The following NCAM2 variants were observed in gnomAD, a reference collection of about 807,000 sequenced individuals.
The protein encoded by NCAM2 is N-CAM-2.
Under a neutral mutation model 98.1 loss-of-function variants are expected in NCAM2, and 30 were observed. The ratio of observed to expected loss-of-function variants is 0.31; its 90% confidence interval spans 0.23 to 0.41. The LOEUF is 0.41. NCAM2 is among the 10% of genes least tolerant of loss of function. NCAM2 has a pLI of 1.00. For missense variants in NCAM2, 867 were observed against 1,005.8 expected (o/e 0.86, Z 1.87); for synonymous variants, 368 against 342.4 (o/e 1.07, Z -0.83).
At chr21:21,329,827 A>G (rs145521968) in intron 6 of NCAM2, among the ~76,000 whole-genome samples, 1 of 152,280 alleles carries the variant, frequency 6.6e-6, no homozygotes, top group Non-Finnish European at 1.5e-5. Flanking sequence ...AAATTCAATA[A>G]TATTTTTCAT....
chr21:21,256,516 T>A (rs2071679628), intron 1 of NCAM2, among the ~76,000 whole-genome samples: 2 of 152,170 alleles, frequency 1.3e-5, no homozygotes. Flanking sequence ...TTCTTGCAAA[T>A]GCAGTGAACT....
chr21:21,418,409 G>T, intron 10 of NCAM2, 64 bp from the exon 11 acceptor site: 1 of 1,158,688 alleles, frequency 8.6e-7, no homozygotes, highest in African/African-American at 1.5e-5. Context: ...AGTCATACTG[G>T]GGTTTATTAT....
At chr21:21,457,642 G>GA (rs536117484) in intron 12 of NCAM2, among the ~76,000 whole-genome samples, 379 of 136,136 alleles carry the variant, frequency 2.8e-3, no homozygotes, top group East Asian at 6.4e-3. Context: ...TCCTTCTCAA[G>GA]AAAAAAAAAA....
intron 1 of NCAM2, among the ~76,000 whole-genome samples, chr21:21,045,695 A>G (rs942657832): frequency 6.6e-6 from 1 of 152,156 alleles, no homozygotes; most frequent in Non-Finnish European, 1.5e-5. Flanking sequence ...CACATGAGTC[A>G]ATGTTCTGTC....
chr21:21,185,544 A>G (rs2068612461), intron 1 of NCAM2, among the ~76,000 whole-genome samples: 1 of 152,226 alleles, frequency 6.6e-6, no homozygotes, highest in East Asian at 1.9e-4. Context: ...AACATTTATT[A>G]TTTGCTTTTC....
chr21:21,441,171 G>A (rs974971004), intron 12 of NCAM2, among the ~76,000 whole-genome samples: 2 of 152,100 alleles, frequency 1.3e-5, no homozygotes, highest in Non-Finnish European at 2.9e-5. Flanking sequence ...CTTTAATGCA[G>A]TTTTCATGAG....
At chr21:21,271,621 A>G (rs1030904448) in intron 1 of NCAM2, among the ~76,000 whole-genome samples, 1 of 152,184 alleles carries the variant, frequency 6.6e-6, no homozygotes, top group Admixed American at 6.5e-5. Flanking sequence ...ATGAAAGGCT[A>G]TTTGGAGTAC....
rs193005793 is a variant in NCAM2, at chr21:21,528,869, A to G, written c.2283-5668A>G. ...AGATGTTGGGGAAAAGTGAATATACAGAATAAAATCTAAAAGAAATATAAT... is the reference window on the plus strand; with the variant it reads ...AGATGTTGGGGAAAAGTGAATATACGGAATAAAATCTAAAAGAAATATAAT... On this transcript the variant is annotated intron_variant, in intron 16 of 17. Coordinates refer to ENST00000400546, the MANE Select transcript of NCAM2 (RefSeq NM_004540.5). 4.9e-3 allele frequency among the ~76,000 whole-genome samples: 748 copies of G among 152,248 alleles called. 24 individuals are homozygous for G. Among genetic ancestry groups the G allele is most frequent in the Admixed American group, 0.044 (677 of 15,266 alleles).
intron 1 of NCAM2, among the ~76,000 whole-genome samples, chr21:21,095,734 A>G (rs1470962872): frequency 6.6e-6 from 1 of 151,642 alleles, no homozygotes; most frequent in Admixed American, 6.6e-5. Context: ...AATACTGAGT[A>G]TTTGATTATC....
Position 21,537,076 on chromosome 21 carries a change from A to AATTTT in NCAM2, c.2403-753_2403-749dup, listed in dbSNP as rs554660982. On this transcript the variant is annotated intron_variant, in intron 17 of 17. Transcript: ENST00000400546. The stretch of plus-strand genomic sequence containing the variant: ...ATATTGTTAATTCACTTAGTTTCTG[A>AATTTT]ATTTTATTTTATTTTATTTTAATAA... Among the ~76,000 whole-genome samples the AATTTT allele has an allele frequency of 5.9e-4, 90 of 152,060 alleles. No individual in the cohort carries two copies. In the South Asian group the frequency reaches 0.012, roughly 20 times the overall value.
At chr21:21,311,563 G>A (rs186627022) in intron 5 of NCAM2, among the ~76,000 whole-genome samples, 20 of 151,878 alleles carry the variant, frequency 1.3e-4, no homozygotes, top group African/African-American at 3.6e-4. Context: ...GGAGGGTCTC[G>A]ATCTCCTGAC....
chr21:21,387,201 C>G (rs904255664), intron 9 of NCAM2, among the ~76,000 whole-genome samples: 3 of 151,160 alleles, frequency 2.0e-5, no homozygotes, highest in African/African-American at 7.3e-5. Flanking sequence ...CACACACACA[C>G]ACACACACAC....
At chr21:21,003,605 G>A (rs550835200) in intron 1 of NCAM2, among the ~76,000 whole-genome samples, 1 of 150,812 alleles carries the variant, frequency 6.6e-6, no homozygotes, top group Admixed American at 6.6e-5. Context: ...ACTATGCTAG[G>A]CTTTGTTTAT....
Position 21,381,683 on chromosome 21 carries a change from T to C in NCAM2, c.1195+7670T>C, listed in dbSNP as rs367971371. 3.9e-5 allele frequency among the ~76,000 whole-genome samples: 6 copies of C among 152,292 alleles called. No homozygotes were observed. The East Asian group carries it at 5.8e-4, about 15-fold the overall frequency. ...TTATCTAATTATCTTTTTGACATCA[T>C]GCATTACATCTCAAATCATTAAAAA... On this transcript the variant is annotated intron_variant, in intron 9 of 17. Transcript: ENST00000400546.
In NCAM2 at chr21:21,164,912, G is replaced by A. The variant is rs191048085; in HGVS notation, c.56-115666G>A. On this transcript the variant is annotated intron_variant, in intron 1 of 17. Coordinates refer to ENST00000400546, the MANE Select transcript of NCAM2 (RefSeq NM_004540.5). ...TGTGTTAGTTTTATACATGCAACAT[G>A]TAAGGGCTTAAGGTAACTATAACTA... Among the ~76,000 whole-genome samples the A allele has an allele frequency of 7.2e-5, 11 of 152,266 alleles. No homozygotes were observed. The East Asian group carries it at 2.1e-3, about 29-fold the overall frequency.
At position 21,152,750 on chromosome 21, in the gene NCAM2, G is replaced by A. The variant is rs539330460; in HGVS notation, c.56-127828G>A. Among the ~76,000 whole-genome samples, 12 of 151,946 alleles carry A rather than the reference G, an allele frequency of 7.9e-5. No individual in the cohort carries two copies. In the East Asian group the frequency reaches 1.2e-3, roughly 15 times the overall value. Reference sequence around the variant, plus strand: ...TCTCAGCAACCTGAGTTCTGGTAGCGTTCCAGTTTACCACTCTCCAGTAGT... The same window carrying A: ...TCTCAGCAACCTGAGTTCTGGTAGCATTCCAGTTTACCACTCTCCAGTAGT... On this transcript the variant is annotated intron_variant, in intron 1 of 17. Coordinates refer to ENST00000400546, the MANE Select transcript of NCAM2 (RefSeq NM_004540.5).
chr21:21,175,254 G>T (rs1477662800), intron 1 of NCAM2, among the ~76,000 whole-genome samples: 1 of 152,128 alleles, frequency 6.6e-6, no homozygotes, highest in Admixed American at 6.5e-5. Context: ...TAGGGTGGTG[G>T]CCGGGTACCG....
At chr21:21,089,906 G>A (rs911304094) in intron 1 of NCAM2, among the ~76,000 whole-genome samples, 1 of 152,116 alleles carries the variant, frequency 6.6e-6, no homozygotes, top group South Asian at 2.1e-4. Context: ...TTATCCAAGA[G>A]ACCATATCGT....
intron 9 of NCAM2, among the ~76,000 whole-genome samples, chr21:21,394,076 C>G (rs1207359577): frequency 1.3e-5 from 2 of 152,102 alleles, no homozygotes; most frequent in Non-Finnish European, 2.9e-5. Flanking sequence ...TCTTGTGACT[C>G]AAGGATCATA....
Sources: gnomAD v4.1 joint callset for allele counts (sites outside exome capture counted in the v4.1 genomes callset) on GRCh38, gnomAD v4.1.1 for gene constraint, MANE v1.5 for transcripts, NCBI Gene and HGNC (gene_info 2026-07-23, HGNC 2026-07-21) for gene names.